The following TPP1 variants were observed in gnomAD, a reference collection of about 807,000 sequenced individuals.
The protein encoded by TPP1 is tripeptidyl-peptidase 1.
Under a neutral mutation model 67.6 loss-of-function variants are expected in TPP1, and 43 were observed. The ratio of observed to expected loss-of-function variants is 0.64; its 90% CI spans 0.50 to 0.82. TPP1 has a LOEUF of 0.82. TPP1 is among the 40% of genes least tolerant of loss of function. The pLI, the probability that TPP1 is intolerant of heterozygous loss-of-function variation, is 0.00. For synonymous variants in TPP1, 272 were observed against 281.5 expected (o/e 0.97, Z 0.34); for missense variants, 671 against 710.9 (o/e 0.94, Z 0.64).
chr11:6,614,682 G>C lies in TPP1; in HGVS notation c.1556C>G (p.Thr519Ser). ...QQHGAGLFDVTRGCHESCLDE... is the reference protein window; with the variant it reads ...QQHGAGLFDVSRGCHESCLDE... ...CAGACAGGACTCATGGCAGCCACGG[G>C]TTACCTAGGGAGGAGGCTGGCATCA... Residue 519 changes from threonine to serine, a missense_variant, in exon 13 of 13, where the codon ACC (threonine) becomes AGC (serine). Physicochemically the swap from Thr to Ser is moderately conservative, Grantham distance 58 (BLOSUM62 1). Coordinates refer to ENST00000299427, the MANE Select transcript of TPP1 (RefSeq NM_000391.4). 6.2e-7 allele frequency: 1 copy of C among 1,614,098 alleles called. No individual in the cohort carries two copies. Among genetic ancestry groups the C allele is most frequent in the Non-Finnish European group, 8.5e-7 (1 of 1,180,022 alleles).
In TPP1 at chr11:6,614,855, T is replaced by A; in HGVS notation, c.1551+11A>T. On this transcript the variant is annotated intron_variant, in intron 12 of 12. Transcript: ENST00000299427. The stretch of plus-strand genomic sequence containing the variant: ...TTTGAAAACGTCCACACCCTTCCCT[T>A]CCATACTTACATCAAAGAGTCCTGC... 6 of 1,614,008 alleles carry A rather than the reference T, an allele frequency of 3.7e-6. No individual in the cohort carries two copies. Among genetic ancestry groups the A allele is most frequent in the Non-Finnish European group, 5.1e-6 (6 of 1,180,010 alleles).
rs1855542128 is a variant in TPP1, at chr11:6,614,347, G to A, written c.*199C>T. 7 of 661,842 alleles carry A rather than the reference G, an allele frequency of 1.1e-5. No individual in the cohort carries two copies. The Admixed American group carries it at 1.7e-4, about 16-fold the overall frequency. The allele number at this position is 661,842 out of a possible 1,614,324, so 41.0% of individuals were successfully genotyped here. Reference sequence around the variant, plus strand: ...CATCTTATTGAGGAATCTAAGGCAGGAGTAGGGAGACCTGAGTATGATGGA... The same window carrying A: ...CATCTTATTGAGGAATCTAAGGCAGAAGTAGGGAGACCTGAGTATGATGGA... On this transcript the variant is annotated 3_prime_UTR_variant, in exon 13 of 13. Transcript: ENST00000299427.
rs149846595 is a variant in TPP1 at position 6,617,200 on chromosome 11, C to T, written c.509-47G>A. 46 of 1,613,496 alleles carry T rather than the reference C, an allele frequency of 2.9e-5. No homozygotes were observed. In the East Asian group the frequency reaches 9.1e-4, roughly 32 times the overall value. Reference sequence around the variant, plus strand: ...GAGGAGATCTTATAGACTGTAATGCCCACCTTACAACTCACCCCACCCCCA... The same window carrying T: ...GAGGAGATCTTATAGACTGTAATGCTCACCTTACAACTCACCCCACCCCCA... On this transcript the variant is annotated intron_variant, in intron 5 of 12. Transcript: ENST00000299427.
intron 9 of TPP1, 49 bp downstream of exon 9, chr11:6,615,956 A>T: frequency 6.3e-7 from 1 of 1,595,164 alleles, no homozygotes; most frequent in Non-Finnish European, 8.6e-7. Context: ...TCATGAGATC[A>T]CAAGTGAAAG....
Position 6,616,741 on chromosome 11 carries a change from G to A in TPP1, c.806C>T (p.Ala269Val). 6.2e-7 allele frequency: 1 copy of A among 1,613,998 alleles called. No homozygotes were observed. Residue 269 changes from alanine to valine, a missense_variant, in exon 7 of 13, where the codon GCC becomes GTC. Physicochemically the swap from Ala to Val is moderately conservative, Grantham distance 64. Coordinates refer to ENST00000299427, the MANE Select transcript of TPP1 (RefSeq NM_000391.4). Reference protein sequence around the residue: ...RVVGQQGRGRAGIEASLDVQY... With the variant: ...RVVGQQGRGRVGIEASLDVQY... ...CACATCTAGACTGGCCTCAATCCCG[G>A]CCCGGCCCCGGCCCTGTTGTCCAAC... is the stretch of plus-strand genomic sequence containing the variant.
chr11:6,616,957 G>A lies in TPP1; in HGVS notation c.687+18C>T, dbSNP rs775435795. 4.3e-6 allele frequency: 7 copies of A among 1,613,992 alleles called. No individual in the cohort carries two copies. The African/African-American group carries it at 9.3e-5, about 22-fold the overall frequency. ...GTGGGGAGGCTATGAGGACCCTGGGGCTCTTTGCTTGGCTCACCTGGGCAC... is the reference window on the plus strand; with the variant it reads ...GTGGGGAGGCTATGAGGACCCTGGGACTCTTTGCTTGGCTCACCTGGGCAC... On this transcript the variant is annotated intron_variant, in intron 6 of 12. Transcript: ENST00000299427.
rs2134596176 is a variant in TPP1, at chr11:6,617,679, C to T, written c.327G>A (p.Gln109=). The T allele has an allele frequency of 6.2e-7, 1 of 1,614,226 alleles. No individual in the cohort carries two copies. The change falls in exon 4 of 13, where the codon CAG becomes CAA. Residue 109 remains glutamine, a synonymous_variant. Coordinates refer to ENST00000299427, the MANE Select transcript of TPP1 (RefSeq NM_000391.4). ...CCTGTGTGATCACAGAATGGCACTT[C>T]TGGGCTCCGGCTGCCAAGAGCCATT... ...VQKWLLAAGA[Q]KCHSVITQDF... is the part of the protein sequence containing the mutation.
Position 6,617,387 on chromosome 11 carries a change from T to C in TPP1, c.422A>G (p.Tyr141Cys). 6.2e-7 allele frequency: 1 copy of C among 1,614,128 alleles called. No homozygotes were observed. Among genetic ancestry groups the C allele is most frequent in the Non-Finnish European group, 8.5e-7 (1 of 1,180,016 alleles). The part of the protein sequence containing the change: ...LLLPGAEFHH[Y>C]VGGPTETHVV... Reference sequence around the variant, plus strand: ...ATGGGTTTCCGTAGGTCCTCCCACATAGTGATGAAACTCAGCCCCAGGGAG... The same window carrying C: ...ATGGGTTTCCGTAGGTCCTCCCACACAGTGATGAAACTCAGCCCCAGGGAG... The change falls in exon 5 of 13, where the codon TAT becomes TGT. Residue 141 changes from tyrosine (Y) to cysteine (C), a missense_variant. Transcript: ENST00000299427.
chr11:6,618,930 G>A lies in TPP1; in HGVS notation c.90-15C>T. On this transcript the variant is annotated splice_polypyrimidine_tract_variant and intron_variant, in intron 2 of 12. Coordinates refer to ENST00000299427, the MANE Select transcript of TPP1 (RefSeq NM_000391.4). The stretch of plus-strand genomic sequence containing the variant: ...CTGGGGGCAGCCTGTAGGGTCAGGG[G>A]TCAGGGACATGGCTTTGGTTAGGGT... The A allele has an allele frequency of 2.5e-6, 4 of 1,612,064 alleles. No individual in the cohort carries two copies. The highest frequency in any genetic ancestry group is 3.4e-6 in the Non-Finnish European group (4 of 1,179,956).
chr11:6,616,139 C>CAA (rs1855577926), intron 8 of TPP1, 65 bp from the exon 9 acceptor site: 16 of 1,605,918 alleles, frequency 1.0e-5, no homozygotes. Context: ...GTTCGGATGT[C>CAA]AGAGGGGAAA....
chr11:6,613,815 G>A lies in TPP1; in HGVS notation c.*731C>T, dbSNP rs1274459535. 1 of 152,674 alleles carries A rather than the reference G, an allele frequency of 6.5e-6. No individual in the cohort carries two copies. The highest frequency in any genetic ancestry group is 1.5e-5 in the Non-Finnish European group (1 of 68,084). The allele number at this position is 152,674 out of a possible 1,614,324, so 9.5% of individuals were successfully genotyped here. A position where few individuals can be genotyped will look rare whatever the true frequency, so the allele number is the denominator to read the frequency against. ...AGATGGAATTGTTTGGGGTTGGGAA[G>A]GTGGACGATGAAATGTTGAGTATCA... On this transcript the variant is annotated 3_prime_UTR_variant, in exon 13 of 13. Coordinates refer to ENST00000299427, the MANE Select transcript of TPP1 (RefSeq NM_000391.4).
Position 6,616,822 on chromosome 11 carries a change from T to C in TPP1, c.725A>G (p.Gln242Arg). 6.2e-7 allele frequency: 1 copy of C among 1,613,842 alleles called. No homozygotes were observed. The highest frequency in any genetic ancestry group is 8.5e-7 in the Non-Finnish European group (1 of 1,179,998). Residue 242 changes from glutamine (Q) to arginine (R), a missense_variant, in exon 7 of 13, where the codon CAG (glutamine) becomes CGG (arginine). Physicochemically the swap from Gln to Arg is conservative, Grantham distance 43. Transcript: ENST00000299427. ...EQYFHDSDLA[Q>R]FMRLFGGNFA... ...GTTGCCACCGAAGAGGCGCATGAAC[T>C]GAGCCAGGTCTGAGTCATGGAAATA...
chr11:6,618,060 A>G lies in TPP1; in HGVS notation c.230-284T>C, dbSNP rs1292172767. The G allele has an allele frequency of 1.5e-5, 7 of 473,478 alleles. No individual in the cohort carries two copies. The East Asian group carries it at 2.8e-4, about 19-fold the overall frequency. 29.3% of individuals were successfully genotyped at this position (473,478 alleles called of 1,614,324 possible). A position where few individuals can be genotyped will look rare whatever the true frequency, so the allele number is the denominator to read the frequency against. On this transcript the variant is annotated intron_variant, in intron 3 of 12. Coordinates refer to ENST00000299427, the MANE Select transcript of TPP1 (RefSeq NM_000391.4). ...TCATGAAAATGAATGAGGTTAATAC[A>G]TATAAATTTTCCATTTTAATTTTAA...
In TPP1 at chr11:6,615,528, G is replaced by A; in HGVS notation, c.1180C>T (p.Gln394Ter). 1 of 1,614,210 alleles carries A rather than the reference G, an allele frequency of 6.2e-7. No individual in the cohort carries two copies. Residue 394 changes from glutamine to a stop codon, truncating the protein, a stop_gained, in exon 10 of 13, where the codon CAG becomes TAG. Transcript: ENST00000299427. LOFTEE classifies it high-confidence loss of function. Reference protein sequence around the residue: ...YVTTVGGTSFQEPFLITNEIV... With the variant: ...YVTTVGGTSF ...TCATTTGTGATGAGGAAAGGTTCCT[G>A]GAAGGATGTGCCTCCCACTGTGGTG...
chr11:6,613,763 C>T lies in TPP1; in HGVS notation c.*783G>A, dbSNP rs1589947037. 1 of 152,614 alleles carries T rather than the reference C, an allele frequency of 6.6e-6. No individual in the cohort carries two copies. The highest frequency in any genetic ancestry group is 1.9e-4 in the East Asian group (1 of 5,196). 9.5% of individuals were successfully genotyped at this position (152,614 alleles called of 1,614,324 possible). The stretch of plus-strand genomic sequence containing the variant: ...AGGTTTCTGGCTTGGTTGGAAAAAG[C>T]ATAGCATCATTTACCAAGAAGAAAC... On this transcript the variant is annotated 3_prime_UTR_variant, in exon 13 of 13. Coordinates refer to ENST00000299427, the MANE Select transcript of TPP1 (RefSeq NM_000391.4).
In TPP1 at chr11:6,616,903, TC is replaced by T. The variant is rs1484051249; in HGVS notation, c.688-45del. 5 of 1,613,612 alleles carry T rather than the reference TC, an allele frequency of 3.1e-6. No individual in the cohort carries two copies. The African/African-American group carries it at 5.3e-5, about 17-fold the overall frequency. On this transcript the variant is annotated intron_variant, in intron 6 of 12. Transcript: ENST00000299427. ...CAGAGATCGTGGGTCCGAGGGTGAG[TC>T]CCAGGGTGGTAAGGAATTGAGGACA...
Position 6,619,377 on chromosome 11 carries a change from T to A in TPP1, c.17+7A>T. 6.2e-7 allele frequency: 1 copy of A among 1,614,216 alleles called. No homozygotes were observed. The highest frequency in any genetic ancestry group is 1.1e-5 in the South Asian group (1 of 91,088). On this transcript the variant is annotated splice_region_variant and intron_variant, in intron 1 of 12. Transcript: ENST00000299427. ...TCCCTTTCTCCCGAGCCCTCTCAAT[T>A]TCTCACCAGGCTTGGAGTCCCATTC...
intron 9 of TPP1, 166 bp downstream of exon 9, chr11:6,615,839 G>A: frequency 1.2e-6 from 1 of 855,630 alleles, no homozygotes. Context: ...AGAGATTTGG[G>A]GCCTGGGACC....
chr11:6,616,577 C>T lies in TPP1; in HGVS notation c.887-74G>A, dbSNP rs376721544. On this transcript the variant is annotated intron_variant, in intron 7 of 12. Coordinates refer to ENST00000299427, the MANE Select transcript of TPP1 (RefSeq NM_000391.4). ...ACTGGGGGTTGTCAGGATCTCTCTC[C>T]AGCTTATAGCATTCCCTTGAGGGAG... 50 of 1,606,344 alleles carry T rather than the reference C, an allele frequency of 3.1e-5. No individual in the cohort carries two copies. In the African/African-American group the frequency reaches 3.4e-4, roughly 11 times the overall value.
Sources: allele counts gnomAD v4.1 joint callset, GRCh38; gene constraint gnomAD v4.1.1; transcripts MANE v1.5; gene names NCBI Gene and HGNC (gene_info 2026-07-23, HGNC 2026-07-21).